ITGB5: variants seen among roughly 807,000 people sequenced by gnomAD.
ITGB5 encodes the protein integrin beta-5.
Under a neutral mutation model 84.8 loss-of-function variants are expected in ITGB5, and 38 were observed. The ratio of observed to expected loss-of-function variants is 0.45; its 90% CI spans 0.35 to 0.59. The LOEUF (loss-of-function observed/expected upper bound fraction) is 0.59, where lower values mean the gene tolerates loss of function less well. Among genes scored for constraint, ITGB5 ranks in the 20% least tolerant of loss-of-function variants. The pLI is 0.01. For missense variants in ITGB5, 905 were observed against 1,034.5 expected (o/e 0.87, Z 1.72); for synonymous variants, 393 against 414.4 (o/e 0.95, Z 0.63).
intron 5 of ITGB5, among the ~76,000 whole-genome samples, chr3:124,830,043 C>T (rs1579263383): frequency 6.6e-6 from 1 of 152,210 alleles, no homozygotes; most frequent in African/African-American, 2.4e-5. Flanking sequence ...CTGGCTTGTT[C>T]ACTTCCAACA....
At chr3:124,782,165 A>T (rs910344937) in intron 10 of ITGB5, among the ~76,000 whole-genome samples, 1 of 152,236 alleles carries the variant, frequency 6.6e-6, no homozygotes, top group Admixed American at 6.5e-5. Flanking sequence ...CTCATTCATT[A>T]GTCCTCCCAA....
chr3:124,763,743 A>G (rs772154648), intron 14 of ITGB5, 25 bp from the exon 15 acceptor site: 1 of 1,336,214 alleles, frequency 7.5e-7, no homozygotes. Context: ...GGGGAAGAGG[A>G]TGAGGACACA....
At chr3:124,805,796 G>A (rs2064393078) in intron 9 of ITGB5, among the ~76,000 whole-genome samples, 2 of 151,886 alleles carry the variant, frequency 1.3e-5, no homozygotes, top group Admixed American at 6.6e-5. Flanking sequence ...GAGCCTTTGA[G>A]CCATTATAGT....
chr3:124,836,732 G>C (rs949030664), intron 5 of ITGB5, among the ~76,000 whole-genome samples: 2 of 152,128 alleles, frequency 1.3e-5, no homozygotes, highest in Non-Finnish European at 2.9e-5. Context: ...CAAGAATCAC[G>C]GCTCCTCTGA....
chr3:124,772,702 G>A (rs551327945), intron 11 of ITGB5, among the ~76,000 whole-genome samples: 11 of 152,304 alleles, frequency 7.2e-5, no homozygotes, highest in African/African-American at 2.4e-4. Context: ...TGGAGCATGC[G>A]GGGCTGAGCA....
upstream of ITGB5, among the ~76,000 whole-genome samples, chr3:124,890,314 C>T (rs150648943): frequency 7.5e-3 from 1,129 of 150,258 alleles, 10 homozygotes; most frequent in African/African-American, 0.026. Context: ...AGCAATTCTC[C>T]TGTCTCACCC....
intron 10 of ITGB5, among the ~76,000 whole-genome samples, chr3:124,782,870 GA>G (rs113191914): frequency 0.061 from 9,082 of 148,092 alleles, 547 homozygotes; most frequent in African/African-American, 0.16. Context: ...TCAAAAAAAA[GA>G]AAAAAAAAAT....
At chr3:124,774,547 A>T (rs1208046946) in intron 10 of ITGB5, among the ~76,000 whole-genome samples, 2 of 152,292 alleles carry the variant, frequency 1.3e-5, no homozygotes, top group African/African-American at 4.8e-5. Context: ...TGGGAGCCTC[A>T]GAGGGAATGC....
In ITGB5 at chr3:124,809,102, G is replaced by A. The variant is rs1559945142; in HGVS notation, c.1183C>T (p.Leu395Phe). 1 of 1,614,082 alleles carries A rather than the reference G, an allele frequency of 6.2e-7. No individual in the cohort carries two copies. The highest frequency in any genetic ancestry group is 8.5e-7 in the Non-Finnish European group (1 of 1,179,976). The change falls in exon 9 of 15, where the codon CTC becomes TTC. Residue 395 changes from leucine to phenylalanine, a missense_variant. Around this residue, in one of 3 missense-constraint regions of ITGB5, gnomAD observed 656 missense variants for 734.7 expected, o/e 0.89. Transcript: ENST00000296181. ...TCTTGGCAGGTAGCAGTAAAGAAGA[G>A]ATTAAGATCCTCAGGCTGATCCCAG... is the stretch of plus-strand genomic sequence containing the variant. The part of the protein sequence containing the change: ...SVWDQPEDLN[L>F]FFTATCQDGV...
chr3:124,893,873 T>C (rs2107660643), intron 1 of ITGB5, among the ~76,000 whole-genome samples: 1 of 152,306 alleles, frequency 6.6e-6, no homozygotes, highest in East Asian at 1.9e-4. Context: ...TTGGTGTTGT[T>C]GCTCTTAATG....
At chr3:124,771,157 TAG>T (rs564969404) in intron 11 of ITGB5, among the ~76,000 whole-genome samples, 122 of 152,308 alleles carry the variant, frequency 8.0e-4, no homozygotes, top group Admixed American at 2.5e-3. Flanking sequence ...TTAAGTTGTT[TAG>T]AGACACTTTG....
rs539556100 is a variant in ITGB5, at chr3:124,764,300, A to G, written c.2304+91T>C. On this transcript the variant is annotated intron_variant, in intron 14 of 14. Transcript: ENST00000296181. The stretch of plus-strand genomic sequence containing the variant: ...TTCTTTTGTTTTTAATGCCAAAGAC[A>G]TTAGTGAGCCTCTATTGCTAACATA... The G allele has an allele frequency of 8.1e-5, 109 of 1,343,802 alleles. No individual in the cohort carries two copies. In the East Asian group the frequency reaches 1.9e-3, roughly 24 times the overall value. The allele number at this position is 1,343,802 out of a possible 1,614,324, so 83.2% of individuals were successfully genotyped here.
At chr3:124,890,357 C>A (rs1162039627), upstream of ITGB5, among the ~76,000 whole-genome samples, 2 of 151,908 alleles carry the variant, frequency 1.3e-5, no homozygotes, top group Non-Finnish European at 2.9e-5. Flanking sequence ...GCGTGTGCCA[C>A]CACACCTGGC....
intron 5 of ITGB5, among the ~76,000 whole-genome samples, chr3:124,840,562 A>G (rs1450011347): frequency 6.6e-6 from 1 of 152,116 alleles, no homozygotes; most frequent in Non-Finnish European, 1.5e-5. Context: ...TTCATTTCTG[A>G]TCTAAGTCTA....
intron 8 of ITGB5, among the ~76,000 whole-genome samples, chr3:124,812,036 T>C (rs903939313): frequency 2.6e-5 from 4 of 152,134 alleles, no homozygotes; most frequent in Non-Finnish European, 5.9e-5. Flanking sequence ...GATCATCAGG[T>C]TGTATCGTGG....
chr3:124,785,352 G>C (rs1467642130), intron 10 of ITGB5, among the ~76,000 whole-genome samples: 2 of 151,950 alleles, frequency 1.3e-5, no homozygotes, highest in African/African-American at 2.4e-5. Context: ...GGGAGGCCAA[G>C]GTGGGCAGAT....
chr3:124,797,916 A>T (rs2064255831), intron 9 of ITGB5, among the ~76,000 whole-genome samples: 1 of 152,056 alleles, frequency 6.6e-6, no homozygotes, highest in African/African-American at 2.4e-5. Context: ...GGCCCACCCC[A>T]CAAACAGACT....
At chr3:124,891,858 G>A (rs144901053), upstream of ITGB5, among the ~76,000 whole-genome samples, 1,131 of 151,930 alleles carry the variant, frequency 7.4e-3, 10 homozygotes, top group African/African-American at 0.026. Context: ...AGTTGAGGCT[G>A]CCATGAGCCA....
intron 2 of ITGB5, among the ~76,000 whole-genome samples, chr3:124,867,343 A>G (rs760282929): frequency 4.6e-5 from 7 of 152,134 alleles, no homozygotes; most frequent in Non-Finnish European, 8.8e-5. Flanking sequence ...CCCGGATTTC[A>G]CAGCAGCCTG....
Sources: gnomAD v4.1 joint callset for allele counts (sites outside exome capture counted in the v4.1 genomes callset) on GRCh38, gnomAD v4.1.1 for gene constraint, gnomAD v4.1.1 regional missense constraint, MANE v1.5 for transcripts, NCBI Gene and HGNC (gene_info 2026-07-23, HGNC 2026-07-21) for gene names.